Variants in MAP7 observed in about 807,000 individuals in gnomAD.
MAP7 encodes the protein microtubule associated protein 7.
In MAP7, 52 loss-of-function variants were observed where a neutral mutation model predicts 94.8. The ratio of observed to expected loss-of-function variants is 0.55; its 90% CI spans 0.44 to 0.69. The LOEUF (loss-of-function observed/expected upper bound fraction) is 0.69. Ranked by LOEUF, MAP7 falls within the 30% of genes least tolerant of loss-of-function variation. The pLI is 0.00. For synonymous variants in MAP7, 350 were observed against 357.0 expected, an observed-to-expected ratio of 0.98 and a Z score of 0.22; for missense variants, 940 against 964.6, an observed-to-expected ratio of 0.97 and a Z score of 0.34.
At chr6:136,489,328 C>G (rs1815793085) in intron 1 of MAP7, among the ~76,000 whole-genome samples, 1 of 152,138 alleles carries the variant, frequency 6.6e-6, no homozygotes, top group South Asian at 2.1e-4. Context: ...AAGTATGTTT[C>G]TTTTGCTATT....
chr6:136,428,657 T>C (rs1347263850), intron 1 of MAP7, among the ~76,000 whole-genome samples: 1 of 152,194 alleles, frequency 6.6e-6, no homozygotes, highest in Non-Finnish European at 1.5e-5. Flanking sequence ...TACCAAAATA[T>C]TCCTAAGGGA....
chr6:136,546,728 A>T (rs1829764314), intron 1 of MAP7, among the ~76,000 whole-genome samples: 1 of 152,138 alleles, frequency 6.6e-6, no homozygotes, highest in African/African-American at 2.4e-5. Context: ...GAAGGTACAC[A>T]TTTCTTATTC....
intron 3 of MAP7, among the ~76,000 whole-genome samples, chr6:136,397,989 C>A (rs1783001687): frequency 6.6e-6 from 1 of 152,178 alleles, no homozygotes; most frequent in African/African-American, 2.4e-5. Context: ...TCCACTGTAG[C>A]CTGTGAAATA....
chr6:136,348,544 T>TGATGTAAGACTTTTGAAGACC (rs1788298819), intron 16 of MAP7, among the ~76,000 whole-genome samples: 2 of 152,202 alleles, frequency 1.3e-5, no homozygotes, highest in Non-Finnish European at 2.9e-5. Flanking sequence ...GTTTGAAGAC[T>TGATGTAAGACTTTTGAAGACC]GATGTAAGAC....
intron 1 of MAP7, among the ~76,000 whole-genome samples, chr6:136,494,518 A>G (rs528582766): frequency 6.6e-6 from 1 of 152,316 alleles, no homozygotes; most frequent in African/African-American, 2.4e-5. Flanking sequence ...AACAAGGTAA[A>G]TGTACTTAAT....
At chr6:136,440,314 A>T (rs1188247356) in intron 1 of MAP7, among the ~76,000 whole-genome samples, 1 of 152,218 alleles carries the variant, frequency 6.6e-6, no homozygotes, top group Non-Finnish European at 1.5e-5. Context: ...TGTAGTAAGT[A>T]CTGTGATAGA....
chr6:136,376,305 A>G (rs2128618444), intron 7 of MAP7, among the ~76,000 whole-genome samples: 1 of 150,928 alleles, frequency 6.6e-6, no homozygotes, highest in Non-Finnish European at 1.5e-5. Flanking sequence ...TCACCGTGTT[A>G]GCCAGGATGG....
intron 3 of MAP7, among the ~76,000 whole-genome samples, chr6:136,404,206 C>T (rs994579731): frequency 1.3e-5 from 2 of 152,156 alleles, no homozygotes; most frequent in African/African-American, 4.8e-5. Context: ...TTATTACTAA[C>T]TTGCTATCAG....
intron 1 of MAP7, among the ~76,000 whole-genome samples, chr6:136,476,771 A>ATG (rs1811064874): frequency 6.7e-6 from 1 of 148,712 alleles, no homozygotes; most frequent in Non-Finnish European, 1.5e-5. Flanking sequence ...GTATGTATAC[A>ATG]TGTGTGTGTA....
intron 1 of MAP7, among the ~76,000 whole-genome samples, chr6:136,499,145 C>T (rs1819136730): frequency 6.6e-6 from 1 of 152,066 alleles, no homozygotes; most frequent in Non-Finnish European, 1.5e-5. Flanking sequence ...GTCTTGAACT[C>T]CTGACCTCAG....
chr6:136,406,691 C>A (rs1313711573), intron 3 of MAP7, among the ~76,000 whole-genome samples: 2 of 152,130 alleles, frequency 1.3e-5, no homozygotes, highest in Non-Finnish European at 2.9e-5. Flanking sequence ...CGTGGTAGCA[C>A]ATGCCTGTAA....
At chr6:136,430,400 C>A (rs1234480870) in intron 1 of MAP7, among the ~76,000 whole-genome samples, 1 of 152,014 alleles carries the variant, frequency 6.6e-6, no homozygotes, top group Middle Eastern at 3.2e-3. Flanking sequence ...ATGTACAATA[C>A]TTAAAAATAG....
chr6:136,378,832 A>T (rs747204982), intron 6 of MAP7, among the ~76,000 whole-genome samples: 7 of 152,218 alleles, frequency 4.6e-5, no homozygotes, highest in Non-Finnish European at 7.3e-5. Context: ...AATTCTACAA[A>T]TATCACTGAA....
chr6:136,539,596 T>G (rs1023560292), intron 1 of MAP7, among the ~76,000 whole-genome samples: 1 of 152,202 alleles, frequency 6.6e-6, no homozygotes, highest in Non-Finnish European at 1.5e-5. Flanking sequence ...TAGGAAATCA[T>G]GCTGCCAAAG....
intron 1 of MAP7, among the ~76,000 whole-genome samples, chr6:136,438,852 C>T (rs1015205063): frequency 2.0e-5 from 3 of 152,098 alleles, no homozygotes. Context: ...CCCCAACCCC[C>T]AGCTTAATTA....
intron 1 of MAP7, among the ~76,000 whole-genome samples, chr6:136,529,446 G>A (rs1035347302): frequency 6.6e-6 from 1 of 152,108 alleles, no homozygotes; most frequent in Non-Finnish European, 1.5e-5. Context: ...CAGCACTAAG[G>A]AGCATTTTCA....
At chr6:136,376,611 G>C (rs1776244486) in intron 7 of MAP7, among the ~76,000 whole-genome samples, 1 of 152,180 alleles carries the variant, frequency 6.6e-6, no homozygotes, top group Non-Finnish European at 1.5e-5. Flanking sequence ...CTGCACATTT[G>C]CACATAAAGC....
At chr6:136,412,013 C>T (rs920344957) in intron 2 of MAP7, among the ~76,000 whole-genome samples, 3 of 152,078 alleles carry the variant, frequency 2.0e-5, no homozygotes, top group Non-Finnish European at 2.9e-5. Flanking sequence ...TATTTTTATG[C>T]TTTAAAAAGT....
intron 1 of MAP7, among the ~76,000 whole-genome samples, chr6:136,487,479 G>A (rs985784143): frequency 6.6e-6 from 1 of 152,118 alleles, no homozygotes; most frequent in Non-Finnish European, 1.5e-5. Context: ...GGGAGACCAA[G>A]GTGGAAGGAC....
Sources: gnomAD v4.1 joint callset for allele counts (sites outside exome capture counted in the v4.1 genomes callset) on GRCh38, gnomAD v4.1.1 for gene constraint, MANE v1.5 for transcripts, NCBI Gene and HGNC (gene_info 2026-07-23, HGNC 2026-07-21) for gene names.